LRRC4C: variants seen among roughly 807,000 people sequenced by gnomAD.
LRRC4C encodes the protein leucine rich repeat containing 4C.
In LRRC4C, 5 loss-of-function variants were observed where a neutral mutation model predicts 33.6. The ratio of observed to expected loss-of-function variants is 0.15; its 90% confidence interval spans 0.08 to 0.31. LRRC4C has a LOEUF of 0.31. LRRC4C is among the 10% of genes least tolerant of loss of function. The pLI, the probability that LRRC4C is intolerant of heterozygous loss-of-function variation, is 1.00. For missense variants in LRRC4C, 560 were observed against 796.7 expected, an observed-to-expected ratio of 0.70 and a Z score of 3.58; for synonymous variants, 329 against 302.0, an observed-to-expected ratio of 1.09 and a Z score of -0.93.
chr11:40,136,790 G>A (rs796285652), intron 6 of LRRC4C, among the ~76,000 whole-genome samples: 1 of 152,188 alleles, frequency 6.6e-6, no homozygotes, highest in African/African-American at 2.4e-5. Context: ...CCAGAACAGA[G>A]GGCTTGCCTG....
intron 1 of LRRC4C, among the ~76,000 whole-genome samples, chr11:41,226,963 C>T (rs982930893): frequency 6.6e-6 from 1 of 151,950 alleles, no homozygotes; most frequent in African/African-American, 2.4e-5. Flanking sequence ...ATTTGTCCTT[C>T]CTTCCTTTCA....
At chr11:40,843,703 G>A (rs946887566) in intron 2 of LRRC4C, among the ~76,000 whole-genome samples, 2 of 152,098 alleles carry the variant, frequency 1.3e-5, no homozygotes, top group Non-Finnish European at 2.9e-5. Context: ...TTCCATAATA[G>A]TTACCTGCTA....
intron 1 of LRRC4C, among the ~76,000 whole-genome samples, chr11:41,414,205 T>C (rs548361102): frequency 7.9e-5 from 12 of 152,180 alleles, no homozygotes; most frequent in Non-Finnish European, 1.2e-4. Flanking sequence ...ATAAGTGTGT[T>C]ACTTCCTATG....
intron 3 of LRRC4C, among the ~76,000 whole-genome samples, chr11:40,581,436 C>T (rs1452599092): frequency 6.6e-6 from 1 of 152,204 alleles, no homozygotes; most frequent in African/African-American, 2.4e-5. Flanking sequence ...TTAAACCTCG[C>T]TCATGTTCTT....
At chr11:41,409,167 T>G (rs1342328266) in intron 1 of LRRC4C, among the ~76,000 whole-genome samples, 1 of 152,186 alleles carries the variant, frequency 6.6e-6, no homozygotes, top group East Asian at 1.9e-4. Context: ...GGCAACCTCT[T>G]GGAACTGCAG....
intron 1 of LRRC4C, among the ~76,000 whole-genome samples, chr11:41,406,706 C>CCACA (rs112867786): frequency 0.099 from 13,709 of 137,980 alleles, 743 homozygotes; most frequent in Admixed American, 0.16. Flanking sequence ...TACACATTCA[C>CCACA]CACACACACA....
chr11:40,672,198 G>A (rs945196712), intron 2 of LRRC4C, among the ~76,000 whole-genome samples: 1 of 152,150 alleles, frequency 6.6e-6, no homozygotes, highest in South Asian at 2.1e-4. Context: ...CAGATTTCTA[G>A]GTGTGTTTCA....
chr11:41,344,983 TTC>T (rs1325559373), intron 1 of LRRC4C, among the ~76,000 whole-genome samples: 2 of 152,150 alleles, frequency 1.3e-5, no homozygotes, highest in African/African-American at 4.8e-5. Flanking sequence ...CTGTTTTTTT[TTC>T]CCCTGTTTCC....
chr11:40,826,534 C>T (rs936515746), intron 2 of LRRC4C, among the ~76,000 whole-genome samples: 1 of 151,800 alleles, frequency 6.6e-6, no homozygotes, highest in Non-Finnish European at 1.5e-5. Flanking sequence ...ACAGAGAAAA[C>T]GCACGTCTTT....
intron 1 of LRRC4C, among the ~76,000 whole-genome samples, chr11:41,269,361 C>T (rs1295879340): frequency 6.6e-6 from 1 of 151,876 alleles, no homozygotes; most frequent in African/African-American, 2.4e-5. Context: ...ATTGCCTTGC[C>T]CACAGCCTGA....
At chr11:40,966,627 G>A (rs1364355335) in intron 1 of LRRC4C, among the ~76,000 whole-genome samples, 3 of 151,900 alleles carry the variant, frequency 2.0e-5, no homozygotes, top group Admixed American at 2.0e-4. Context: ...ACACTTGATG[G>A]AAGATACTGG....
At chr11:40,212,162 T>C (rs1863649198) in intron 5 of LRRC4C, among the ~76,000 whole-genome samples, 1 of 152,222 alleles carries the variant, frequency 6.6e-6, no homozygotes, top group Non-Finnish European at 1.5e-5. Flanking sequence ...GTGGAAACCA[T>C]GTTTCCACTC....
chr11:40,881,695 C>T (rs181036269), intron 2 of LRRC4C, among the ~76,000 whole-genome samples: 50 of 150,448 alleles, frequency 3.3e-4, no homozygotes, highest in Non-Finnish European at 6.9e-4. Context: ...ATTGGGAACA[C>T]AACAATCTCA....
At chr11:40,739,736 C>T (rs961322222) in intron 2 of LRRC4C, among the ~76,000 whole-genome samples, 2 of 151,934 alleles carry the variant, frequency 1.3e-5, no homozygotes, top group African/African-American at 4.8e-5. Flanking sequence ...ACACTCTCTC[C>T]TGCTTTCTTG....
intron 3 of LRRC4C, among the ~76,000 whole-genome samples, chr11:40,442,637 G>A (rs1048939336): frequency 2.0e-5 from 3 of 152,186 alleles, no homozygotes; most frequent in African/African-American, 7.2e-5. Flanking sequence ...ATTCTCCAGG[G>A]AGACAGGGTT....
At chr11:41,083,577 C>A (rs1363921069) in intron 1 of LRRC4C, among the ~76,000 whole-genome samples, 1 of 152,136 alleles carries the variant, frequency 6.6e-6, no homozygotes, top group African/African-American at 2.4e-5. Context: ...CCCACGCTTT[C>A]TAATCTAATT....
At chr11:40,399,289 T>A (rs1949666488) in intron 3 of LRRC4C, among the ~76,000 whole-genome samples, 1 of 152,046 alleles carries the variant, frequency 6.6e-6, no homozygotes, top group Non-Finnish European at 1.5e-5. Context: ...AACCCAAATG[T>A]CCAACAATGA....
intron 2 of LRRC4C, among the ~76,000 whole-genome samples, chr11:40,932,232 G>A (rs1957661126): frequency 6.6e-6 from 1 of 151,994 alleles, no homozygotes; most frequent in South Asian, 2.1e-4. Flanking sequence ...AGAGAGATGA[G>A]AACTAATATT....
chr11:40,468,896 A>G (rs1952785341), intron 3 of LRRC4C, among the ~76,000 whole-genome samples: 1 of 152,236 alleles, frequency 6.6e-6, no homozygotes, highest in African/African-American at 2.4e-5. Flanking sequence ...ATTAGACTAA[A>G]AAAAGTAATA....
Sources: gnomAD v4.1 joint callset for allele counts (sites outside exome capture counted in the v4.1 genomes callset) on GRCh38, gnomAD v4.1.1 for gene constraint, MANE v1.5 for transcripts, NCBI Gene and HGNC (gene_info 2026-07-23, HGNC 2026-07-21) for gene names.